Variants in MRPS27 observed in about 807,000 individuals in gnomAD.
MRPS27 encodes mitochondrial ribosomal protein S27.
In MRPS27, 43 loss-of-function variants were observed where a neutral mutation model predicts 48.9. The ratio of observed to expected loss-of-function variants is 0.88; its 90% CI spans 0.69 to 1.13. The LOEUF (loss-of-function observed/expected upper bound fraction) is 1.13, where lower values mean the gene tolerates loss of function less well. Ranked by LOEUF, MRPS27 falls within the 50% of genes most tolerant of loss-of-function variation. The probability of loss-of-function intolerance (pLI) is 0.00; values close to 1 mark genes in which losing one functional copy is unlikely to be tolerated. For synonymous variants in MRPS27, 188 were observed against 171.9 expected (o/e 1.09, Z -0.73); for missense variants, 467 against 476.3 (o/e 0.98, Z 0.18).
chr5:72,307,851 G>C (rs1292876059), intron 2 of MRPS27: 1 of 152,302 alleles, frequency 6.6e-6, no homozygotes, highest in African/African-American at 2.4e-5. Flanking sequence ...TTTTCAGTAT[G>C]TATATTATAC....
intron 5 of MRPS27, 142 bp from the exon 6 acceptor site, chr5:72,234,339 A>G (rs188141376): frequency 2.6e-6 from 2 of 757,056 alleles, no homozygotes; most frequent in Non-Finnish European, 1.8e-6. Context: ...CATCTGTGAC[A>G]GTGAAACAGA....
chr5:72,232,085 T>C (rs1561331208), intron 7 of MRPS27, among the ~76,000 whole-genome samples: 1 of 152,150 alleles, frequency 6.6e-6, no homozygotes, highest in Non-Finnish European at 1.5e-5. Flanking sequence ...CTGATACAAA[T>C]GAAATAATTA....
intron 2 of MRPS27, among the ~76,000 whole-genome samples, chr5:72,298,236 T>A (rs564596535): frequency 1.3e-5 from 2 of 152,192 alleles, no homozygotes; most frequent in South Asian, 4.1e-4. Context: ...GAACAGATAC[T>A]TCTCAAAAGA....
At chr5:72,243,275 A>T (rs779837003) in intron 4 of MRPS27, among the ~76,000 whole-genome samples, 14 of 152,240 alleles carry the variant, frequency 9.2e-5, no homozygotes, top group Non-Finnish European at 1.8e-4. Flanking sequence ...ACCAAAGACC[A>T]AGAGTGTCAT....
chr5:72,242,120 C>A (rs1008817416), intron 4 of MRPS27, among the ~76,000 whole-genome samples: 2 of 152,114 alleles, frequency 1.3e-5, no homozygotes, highest in African/African-American at 4.8e-5. Context: ...AAGTTGGTAT[C>A]CCATGGCTAA....
At chr5:72,242,390 T>C (rs1394779275) in intron 4 of MRPS27, among the ~76,000 whole-genome samples, 1 of 139,522 alleles carries the variant, frequency 7.2e-6, no homozygotes, top group African/African-American at 2.8e-5. Flanking sequence ...AGAGATTTCT[T>C]AGAAGGGAAG....
intron 7 of MRPS27, chr5:72,228,643 C>T (rs1747962904): frequency 3.5e-6 from 1 of 286,384 alleles, no homozygotes; most frequent in Admixed American, 5.1e-5. Flanking sequence ...TATTATTTTC[C>T]AAAAATTTGG....
At chr5:72,300,304 C>A (rs1472895906) in intron 2 of MRPS27, among the ~76,000 whole-genome samples, 2 of 152,164 alleles carry the variant, frequency 1.3e-5, no homozygotes, top group African/African-American at 2.4e-5. Context: ...CATTGGAGTG[C>A]CTCTAGGACT....
At chr5:72,274,264 G>C (rs996590294) in intron 4 of MRPS27, among the ~76,000 whole-genome samples, 1 of 152,222 alleles carries the variant, frequency 6.6e-6, no homozygotes, top group Non-Finnish European at 1.5e-5. Context: ...TGAGGCAGGA[G>C]AATCGCTTGA....
intron 7 of MRPS27, 48 bp downstream of exon 7, chr5:72,232,395 C>CT: frequency 1.4e-6 from 2 of 1,424,522 alleles, no homozygotes; most frequent in South Asian, 2.5e-5. Context: ...CAAGCCCCTG[C>CT]TTGCCTTTTC....
chr5:72,283,384 G>A (rs1011932178), intron 4 of MRPS27, among the ~76,000 whole-genome samples: 1 of 152,102 alleles, frequency 6.6e-6, no homozygotes, highest in African/African-American at 2.4e-5. Context: ...TACTGAAACT[G>A]CTTAGGAAAA....
At chr5:72,223,276 A>T (rs562341172) in intron 10 of MRPS27, among the ~76,000 whole-genome samples, 2 of 152,212 alleles carry the variant, frequency 1.3e-5, no homozygotes, top group Admixed American at 6.5e-5. Flanking sequence ...ACACACTCAA[A>T]TGTGGCATTA....
At chr5:72,308,461 C>A (rs1580118246) in intron 2 of MRPS27, among the ~76,000 whole-genome samples, 1 of 152,238 alleles carries the variant, frequency 6.6e-6, no homozygotes, top group East Asian at 1.9e-4. Flanking sequence ...GGCCCTCCGG[C>A]TGGCGGCGCC....
chr5:72,298,712 C>CAA (rs1259668404), intron 2 of MRPS27, among the ~76,000 whole-genome samples: 688 of 29,870 alleles, frequency 0.023, 56 homozygotes, highest in Admixed American at 0.031. Context: ...GACTCCGTCT[C>CAA]AAAAAAAAAA....
rs146127417 is a variant in MRPS27 at position 72,227,881 on chromosome 5, T to C, written c.694+385A>G. 1.4e-3 allele frequency: 354 copies of C among 244,820 alleles called. 1 individual carries two copies. The highest frequency in any genetic ancestry group is 7.3e-3 in the African/African-American group (331 of 45,300). 15.2% of individuals were successfully genotyped at this position (244,820 alleles called of 1,614,324 possible). On this transcript the variant is annotated intron_variant, in intron 8 of 10. Coordinates refer to ENST00000261413, the MANE Select transcript of MRPS27 (RefSeq NM_015084.3). ...AAAGATACAAGTTCAACTCTAACTC[T>C]TAATTTCTTACCTTCTGGACTTTAG...
At chr5:72,316,942 T>C (rs1336072113) in intron 1 of MRPS27, among the ~76,000 whole-genome samples, 1 of 149,044 alleles carries the variant, frequency 6.7e-6, no homozygotes, top group Non-Finnish European at 1.5e-5. Flanking sequence ...GGCAAGAGAA[T>C]CCCTTGAAGC....
intron 4 of MRPS27, among the ~76,000 whole-genome samples, chr5:72,248,826 T>A (rs538561721): frequency 7.2e-5 from 11 of 152,356 alleles, no homozygotes; most frequent in Non-Finnish European, 1.3e-4. Flanking sequence ...GGGAGCATCT[T>A]CTGCATCCTA....
chr5:72,238,001 C>G lies in MRPS27; in HGVS notation c.396+13G>C. The stretch of plus-strand genomic sequence containing the variant: ...CTCAGGAAAACAGGCTGCAGATCCA[C>G]GGAACAACTCACCTTATTTACAAGG... On this transcript the variant is annotated intron_variant, in intron 5 of 10. Transcript: ENST00000261413. The G allele has an allele frequency of 6.3e-7, 1 of 1,583,940 alleles. No individual in the cohort carries two copies. The highest frequency in any genetic ancestry group is 2.2e-5 in the East Asian group (1 of 44,706).
intron 4 of MRPS27, among the ~76,000 whole-genome samples, chr5:72,250,207 TTTCCTTGGGTATATTTAAGAA>T (rs1561339321): frequency 6.6e-6 from 1 of 152,228 alleles, no homozygotes; most frequent in Non-Finnish European, 1.5e-5. Flanking sequence ...GTCTTTTTTG[TTTCCTTGGGTATATTTAAGAA>T]ATAAAAATGT....
Sources: allele counts gnomAD v4.1 joint callset (sites outside exome capture counted in the v4.1 genomes callset), GRCh38; gene constraint gnomAD v4.1.1; transcripts MANE v1.5; gene names NCBI Gene and HGNC (gene_info 2026-07-23, HGNC 2026-07-21).